EVC: variants seen among roughly 807,000 people sequenced by gnomAD.
The protein encoded by EVC is EvC ciliary complex subunit 1.
Under a neutral mutation model 118.9 loss-of-function variants are expected in EVC, and 116 were observed. The ratio of observed to expected loss-of-function variants is 0.98; its 90% CI spans 0.84 to 1.14. The LOEUF (loss-of-function observed/expected upper bound fraction) is 1.14. EVC is among the 50% of genes most tolerant of loss of function. EVC has a pLI of 0.00. For missense variants in EVC, 1,401 were observed against 1,246.4 expected (o/e 1.12, Z -1.87); for synonymous variants, 619 against 534.7 (o/e 1.16, Z -2.18).
At chr4:5,797,969 C>A (rs1043694071) in intron 14 of EVC, among the ~76,000 whole-genome samples, 1 of 152,158 alleles carries the variant, frequency 6.6e-6, no homozygotes. Context: ...CTCCAGGCCT[C>A]CTGCATGTAG....
the EVC span, chr4:5,826,550 C>A: frequency 1.3e-5 from 2 of 152,148 alleles, no homozygotes; most frequent in African/African-American, 4.8e-5. Context: ...GGGCAGAGAC[C>A]CTGAAAGCAG....
chr4:5,799,778 G>T (rs970588692), intron 15 of EVC, among the ~76,000 whole-genome samples: 1 of 152,176 alleles, frequency 6.6e-6, no homozygotes, highest in Non-Finnish European at 1.5e-5. Flanking sequence ...CAGCAAAGAG[G>T]CTGGACCCAC....
rs764141260 is a variant in EVC, at chr4:5,810,466, G to A, written c.2894+16G>A. On this transcript the variant is annotated intron_variant, in intron 20 of 20. Transcript: ENST00000264956. ...GCTCACTCAGGTATGACTGGGCCCCGGACCTGTTGCCTGTGGCTGGGTTTG... is the reference window on the plus strand; with the variant it reads ...GCTCACTCAGGTATGACTGGGCCCCAGACCTGTTGCCTGTGGCTGGGTTTG... The A allele has an allele frequency of 5.1e-5, 81 of 1,593,190 alleles. No homozygotes were observed. In the Middle Eastern group the frequency reaches 8.3e-4, roughly 16 times the overall value.
rs1342348346 is a variant in EVC at position 5,793,594 on chromosome 4, T to C, written c.1777-14T>C. Reference sequence around the variant, plus strand: ...TAACCACATGCCTGCTCTGTCCCTCTGTCCCGAGTTCAGGTGTGGATGGAG... The same window carrying C: ...TAACCACATGCCTGCTCTGTCCCTCCGTCCCGAGTTCAGGTGTGGATGGAG... On this transcript the variant is annotated splice_polypyrimidine_tract_variant and intron_variant, in intron 12 of 20. Transcript: ENST00000264956. 1.3e-6 allele frequency: 2 copies of C among 1,549,380 alleles called. No individual in the cohort carries two copies. Among genetic ancestry groups the C allele is most frequent in the Non-Finnish European group, 1.7e-6 (2 of 1,145,024 alleles).
intron 20 of EVC, 133 bp downstream of exon 20, chr4:5,810,583 C>T (rs1716750370): frequency 1.3e-5 from 10 of 745,894 alleles, no homozygotes; most frequent in East Asian, 2.7e-5. Flanking sequence ...CAAGAAATGA[C>T]AGATATGAAC....
chr4:5,726,735 C>A (rs1725911256), intron 2 of EVC, among the ~76,000 whole-genome samples: 1 of 121,780 alleles, frequency 8.2e-6, no homozygotes, highest in Non-Finnish European at 1.6e-5. Context: ...CCCCACCCGA[C>A]AACAGTCCCC....
At chr4:5,778,760 G>A (rs1735119098) in intron 11 of EVC, among the ~76,000 whole-genome samples, 1 of 152,126 alleles carries the variant, frequency 6.6e-6, no homozygotes, top group South Asian at 2.1e-4. Context: ...AGATGAGTAG[G>A]TTGGGAAAAT....
the EVC span, chr4:5,825,567 T>A: frequency 6.3e-7 from 1 of 1,599,232 alleles, no homozygotes; most frequent in Non-Finnish European, 8.5e-7. This position sits in a 1 kb window ranked among gnomAD's most constrained non-coding sequence, Gnocchi z 4.4. Flanking sequence ...AAGATTTGGC[T>A]GAAGGAGCGG....
intron 1 of EVC, 77 bp downstream of exon 1, chr4:5,711,631 C>G (rs1433493848): frequency 1.8e-6 from 2 of 1,081,358 alleles, no homozygotes; most frequent in Non-Finnish European, 1.1e-6. Flanking sequence ...GCCCGGAGCC[C>G]CGGCTCTGCG....
intron 15 of EVC, among the ~76,000 whole-genome samples, chr4:5,800,958 T>A (rs1714860533): frequency 6.6e-6 from 1 of 152,200 alleles, no homozygotes; most frequent in Admixed American, 6.5e-5. Context: ...AATAAATATT[T>A]GCCGAAATGG....
intron 11 of EVC, among the ~76,000 whole-genome samples, chr4:5,764,191 T>G (rs1732502657): frequency 7.0e-6 from 1 of 142,546 alleles, no homozygotes; most frequent in African/African-American, 2.6e-5. Flanking sequence ...TCTGTTTATA[T>G]GCTGGATTAC....
chr4:5,732,923 T>A (rs1727059706), intron 4 of EVC, among the ~76,000 whole-genome samples: 1 of 152,268 alleles, frequency 6.6e-6, no homozygotes, highest in African/African-American at 2.4e-5. Context: ...GGTGGGAGGA[T>A]TGCTTGAGCC....
At chr4:5,804,320 G>C (rs971711728) in intron 16 of EVC, among the ~76,000 whole-genome samples, 1 of 152,134 alleles carries the variant, frequency 6.6e-6, no homozygotes, top group Non-Finnish European at 1.5e-5. Flanking sequence ...CAAGAAATGG[G>C]GCATAACTTC....
chr4:5,758,078 A>T (rs1355295306), intron 11 of EVC: 1 of 702,278 alleles, frequency 1.4e-6, no homozygotes, highest in Non-Finnish European at 2.6e-6. Flanking sequence ...GTGTCCTTAT[A>T]AGAAGGCCAT....
intron 11 of EVC, among the ~76,000 whole-genome samples, chr4:5,781,174 T>C (rs1240804600): frequency 6.6e-6 from 1 of 152,120 alleles, no homozygotes; most frequent in African/African-American, 2.4e-5. Context: ...CTCGAATTGA[T>C]TTTTGGAACA....
At chr4:5,793,529 C>T in intron 12 of EVC, 79 bp from the exon 13 acceptor site, 1 of 1,243,542 alleles carries the variant, frequency 8.0e-7, no homozygotes, top group Non-Finnish European at 1.2e-6. Flanking sequence ...AAACAAGAAA[C>T]AAAATGCACA....
chr4:5,793,108 A>G (rs1227776046), intron 12 of EVC, among the ~76,000 whole-genome samples: 1 of 152,196 alleles, frequency 6.6e-6, no homozygotes, highest in Non-Finnish European at 1.5e-5. Context: ...ACAAGAGGAT[A>G]AGGCAGGACC....
intron 11 of EVC, among the ~76,000 whole-genome samples, chr4:5,758,869 G>A (rs1305589783): frequency 1.3e-5 from 2 of 152,168 alleles, no homozygotes; most frequent in Non-Finnish European, 2.9e-5. Context: ...CACAGTAAAG[G>A]GGATGCAGCA....
rs1015246452 is a variant in EVC at position 5,812,817 on chromosome 4, A to C, written c.*1780A>C. On this transcript the variant is annotated 3_prime_UTR_variant, in exon 21 of 21. Transcript: ENST00000264956. ...CTCCCACCATTCGTGGCAACCAAGG[A>C]TGTCTCCAGACACTGCCCCGTGTCC... is the stretch of plus-strand genomic sequence containing the variant. The C allele has an allele frequency of 6.5e-6, 1 of 153,052 alleles. No individual in the cohort carries two copies. The allele number at this position is 153,052 out of a possible 1,614,324, so 9.5% of individuals were successfully genotyped here. A position where few individuals can be genotyped will look rare whatever the true frequency, so the allele number is the denominator to read the frequency against.
Sources: gnomAD v4.1 joint callset for allele counts (sites outside exome capture counted in the v4.1 genomes callset) on GRCh38, gnomAD v4.1.1 for gene constraint, Gnocchi (gnomAD v3.1) non-coding constraint, MANE v1.5 for transcripts, NCBI Gene and HGNC (gene_info 2026-07-23, HGNC 2026-07-21) for gene names.